Variants in WDR27 observed in about 807,000 individuals in gnomAD.
WDR27 encodes the protein WD repeat domain 27, also known as WD repeat-containing protein 27.
WDR27 carries 100 observed loss-of-function variants against 114.4 expected under a neutral mutation model. That is an observed-to-expected ratio of 0.87 (90% CI 0.74 to 1.03). The LOEUF (loss-of-function observed/expected upper bound fraction) is 1.03. Ranked by LOEUF, WDR27 falls within the 50% of genes least tolerant of loss-of-function variation. The probability of loss-of-function intolerance (pLI) is 0.00; values close to 1 mark genes in which losing one functional copy is unlikely to be tolerated. For synonymous variants in WDR27, 449 were observed against 423.1 expected (o/e 1.06, Z -0.75); for missense variants, 1,129 against 1,092.9 (o/e 1.03, Z -0.47).
At chr6:169,468,116 C>T (rs1785850231) in intron 25 of WDR27, among the ~76,000 whole-genome samples, 1 of 152,232 alleles carries the variant, frequency 6.6e-6, no homozygotes, top group Non-Finnish European at 1.5e-5. Flanking sequence ...GGGACCTTTA[C>T]TCCAGTTCCC....
chr6:169,481,585 C>T (rs867534922), intron 25 of WDR27, among the ~76,000 whole-genome samples: 1 of 152,226 alleles, frequency 6.6e-6, no homozygotes, highest in Non-Finnish European at 1.5e-5. Context: ...ACTCCTGAGG[C>T]CAGTGAGACC....
intron 25 of WDR27, among the ~76,000 whole-genome samples, chr6:169,460,977 A>G (rs751858218): frequency 5.3e-5 from 8 of 152,078 alleles, no homozygotes; most frequent in African/African-American, 7.3e-5. Flanking sequence ...AGGGGTAGAT[A>G]CACCAATAAC....
chr6:169,634,269 G>A (rs1290288320), intron 20 of WDR27, among the ~76,000 whole-genome samples, 159 bp downstream of exon 20: 2 of 152,026 alleles, frequency 1.3e-5, no homozygotes, highest in Non-Finnish European at 2.9e-5. Context: ...ATTATTACAC[G>A]TACAATTAAC....
At chr6:169,678,013 C>T (rs1309437554) in intron 2 of WDR27, among the ~76,000 whole-genome samples, 1 of 152,228 alleles carries the variant, frequency 6.6e-6, no homozygotes, top group East Asian at 1.9e-4. Context: ...GTGGAGCCTT[C>T]ACAGAGAGCT....
At chr6:169,524,841 T>C (rs141237626) in intron 25 of WDR27, among the ~76,000 whole-genome samples, 32 of 152,312 alleles carry the variant, frequency 2.1e-4, no homozygotes, top group African/African-American at 7.7e-4. Flanking sequence ...GAAGAAAATA[T>C]TGGGCAAATG....
At chr6:169,619,134 A>G (rs976502362) in intron 21 of WDR27, among the ~76,000 whole-genome samples, 2 of 152,226 alleles carry the variant, frequency 1.3e-5, no homozygotes, top group East Asian at 3.8e-4. Context: ...GTCATTGCTC[A>G]AGCTGTTGAA....
the WDR27 span, among the ~76,000 whole-genome samples, chr6:169,446,196 G>A: frequency 6.6e-6 from 1 of 152,342 alleles, no homozygotes; most frequent in Non-Finnish European, 1.5e-5. Context: ...CGAGCTGGGG[G>A]AGCGGGAAAT....
At chr6:169,652,550 C>T (rs966623302) in intron 13 of WDR27, among the ~76,000 whole-genome samples, 1 of 152,184 alleles carries the variant, frequency 6.6e-6, no homozygotes, top group Non-Finnish European at 1.5e-5. Flanking sequence ...CCCGGCCTAG[C>T]CTATTTTACA....
rs773051753 is a variant in WDR27 at position 169,660,741 on chromosome 6, C to G, written c.1051G>C (p.Val351Leu). Residue 351 changes from valine (V) to leucine (L), a missense_variant, in exon 10 of 26, where the codon GTG (valine) becomes CTG (leucine). By Grantham distance (32) the Val-to-Leu change is conservative (BLOSUM62 1). Coordinates refer to ENST00000448612, the MANE Select transcript of WDR27 (RefSeq NM_182552.5). ...GCLSSENTRCVWIGSSVGLFV... is the reference protein window; with the variant it reads ...GCLSSENTRCLWIGSSVGLFV... ...AAGCCCACTGAGCTTCCGATCCACA[C>G]ACATCGGGTGTTCTCAGAAGAAAGA... 1 of 1,613,834 alleles carries G rather than the reference C, an allele frequency of 6.2e-7. No individual in the cohort carries two copies. Among genetic ancestry groups the G allele is most frequent in the Non-Finnish European group, 8.5e-7 (1 of 1,179,838 alleles).
At position 169,651,999 on chromosome 6, in the gene WDR27, T is replaced by C. The variant is rs752264499; in HGVS notation, c.1412A>G (p.Asn471Ser). 3.3e-5 allele frequency: 53 copies of C among 1,613,674 alleles called. No homozygotes were observed. Among genetic ancestry groups the C allele is most frequent in the South Asian group, 1.8e-4 (16 of 91,038 alleles). ...AACCAGGCGTTGGTCCTTCATGACG[T>C]TCCGTGCAGCTGTGGAAAGGCAATT... is the stretch of plus-strand genomic sequence containing the variant. ...AASEQRRAAR[N>S]VMKDQRLVFH... is the part of the protein sequence containing the mutation. The change falls in exon 14 of 26, where the codon AAC becomes AGC. Residue 471 changes from asparagine to serine, a missense_variant. By Grantham distance (46) the Asn-to-Ser change is conservative. Coordinates refer to ENST00000448612, the MANE Select transcript of WDR27 (RefSeq NM_182552.5).
the WDR27 span, among the ~76,000 whole-genome samples, chr6:169,433,252 CA>C: frequency 6.6e-6 from 1 of 152,158 alleles, no homozygotes; most frequent in Non-Finnish European, 1.5e-5. Context: ...CCTCCCACCC[CA>C]AAAGAGGCTC....
At chr6:169,466,756 C>G (rs890980341) in intron 25 of WDR27, among the ~76,000 whole-genome samples, 1 of 152,140 alleles carries the variant, frequency 6.6e-6, no homozygotes, top group Non-Finnish European at 1.5e-5. Context: ...CATAGCCAAA[C>G]CAAATTATTC....
chr6:169,693,392 C>A (rs567829767), intron 1 of WDR27, among the ~76,000 whole-genome samples: 3 of 152,154 alleles, frequency 2.0e-5, no homozygotes, highest in Admixed American at 6.5e-5. Context: ...CTCCTTAAAA[C>A]GTAAATCTCA....
intron 25 of WDR27, among the ~76,000 whole-genome samples, chr6:169,467,209 G>A (rs112280240): frequency 0.012 from 1,789 of 152,230 alleles, 39 homozygotes; most frequent in African/African-American, 0.041. Context: ...CTGTTTTCAC[G>A]GGCTAGAACA....
chr6:169,565,938 C>A (rs1800395641), intron 25 of WDR27, among the ~76,000 whole-genome samples: 1 of 152,234 alleles, frequency 6.6e-6, no homozygotes, highest in African/African-American at 2.4e-5. Context: ...GCCACTGCAC[C>A]TATAGCCCCA....
the WDR27 span, among the ~76,000 whole-genome samples, chr6:169,431,755 C>T: frequency 6.6e-6 from 1 of 152,290 alleles, no homozygotes; most frequent in African/African-American, 2.4e-5. Flanking sequence ...AAGATAGTAC[C>T]TCCGTCCTGG....
intron 25 of WDR27, among the ~76,000 whole-genome samples, chr6:169,506,092 A>C (rs1407397824): frequency 6.6e-6 from 1 of 152,248 alleles, no homozygotes; most frequent in African/African-American, 2.4e-5. Flanking sequence ...ATGGAATTGT[A>C]ATTTATTTAC....
intron 23 of WDR27, 92 bp from the exon 24 acceptor site, chr6:169,583,026 G>A: frequency 9.2e-7 from 1 of 1,083,948 alleles, no homozygotes; most frequent in Non-Finnish European, 1.4e-6. Context: ...CTATAGATTA[G>A]TGTAGTTGAT....
rs114938241 is a variant in WDR27 at position 169,529,045 on chromosome 6, G to A, written c.2645+43374C>T. On this transcript the variant is annotated intron_variant, in intron 25 of 25. Transcript: ENST00000448612. The stretch of plus-strand genomic sequence containing the variant: ...TGTTCACAGAGATGCTTATCATAGC[G>A]TTGTTTATATTTACAACACAAATTG... Among the ~76,000 whole-genome samples, 747 of 152,160 alleles carry A rather than the reference G, an allele frequency of 4.9e-3. 7 individuals are homozygous for A. Among genetic ancestry groups the A allele is most frequent in the African/African-American group, 0.014 (572 of 41,476 alleles).
Sources: gnomAD v4.1 joint callset for allele counts (sites outside exome capture counted in the v4.1 genomes callset) on GRCh38, gnomAD v4.1.1 for gene constraint, MANE v1.5 for transcripts, NCBI Gene and HGNC (gene_info 2026-07-23, HGNC 2026-07-21) for gene names.